The following PRKG1 variants were observed in gnomAD, a reference collection of about 807,000 sequenced individuals.
PRKG1 encodes protein kinase cGMP-dependent 1, also known as cGMP-dependent protein kinase 1.
Under a neutral mutation model 88.1 loss-of-function variants are expected in PRKG1, and 35 were observed. The ratio of observed to expected loss-of-function variants is 0.40; its 90% confidence interval spans 0.30 to 0.53. The LOEUF is 0.53. PRKG1 is among the 20% of genes least tolerant of loss of function. The probability of loss-of-function intolerance (pLI) is 0.59; values close to 1 mark genes in which losing one functional copy is unlikely to be tolerated. For missense variants in PRKG1, 540 were observed against 839.8 expected, an observed-to-expected ratio of 0.64 and a Z score of 4.41; for synonymous variants, 303 against 292.5, an observed-to-expected ratio of 1.04 and a Z score of -0.37.
At chr10:51,402,411 G>T (rs979087040) in intron 2 of PRKG1, among the ~76,000 whole-genome samples, 1 of 152,120 alleles carries the variant, frequency 6.6e-6, no homozygotes, top group African/African-American at 2.4e-5. Context: ...CATGAAAAAG[G>T]GTCATTGCAT....
At chr10:51,349,786 T>C (rs147137285) in intron 2 of PRKG1, among the ~76,000 whole-genome samples, 12 of 152,202 alleles carry the variant, frequency 7.9e-5, no homozygotes, top group African/African-American at 2.6e-4. Context: ...GGATTACAGA[T>C]GTGAACCACA....
At chr10:51,486,059 C>T (rs1840527950) in intron 3 of PRKG1, among the ~76,000 whole-genome samples, 1 of 152,254 alleles carries the variant, frequency 6.6e-6, no homozygotes, top group African/African-American at 2.4e-5. Context: ...TGTTTCCGTT[C>T]ATCTTGTAAT....
chr10:51,551,165 C>T (rs187964507), intron 3 of PRKG1, among the ~76,000 whole-genome samples: 3 of 151,866 alleles, frequency 2.0e-5, no homozygotes, highest in Admixed American at 6.6e-5. Context: ...TAACTTGCAA[C>T]CAACATGCAT....
intron 12 of PRKG1, 88 bp from the exon 13 acceptor site, chr10:52,280,701 G>A: frequency 7.0e-7 from 1 of 1,433,098 alleles, no homozygotes; most frequent in Non-Finnish European, 9.5e-7. Flanking sequence ...TTTTGGCAAA[G>A]GAATATAGTG....
chr10:51,075,508 G>A (rs1026581871), intron 1 of PRKG1, among the ~76,000 whole-genome samples: 2 of 152,188 alleles, frequency 1.3e-5, no homozygotes, highest in Non-Finnish European at 2.9e-5. Flanking sequence ...TCCATAAATG[G>A]AAGACTAGTC....
chr10:52,155,580 C>A lies in PRKG1; in HGVS notation c.1002-6309C>A, dbSNP rs75510251. ...GCCTAAAATCAAGTAAGTACTAAACCAATACAATTTCAACTTTGAAATAAC... is the reference window on the plus strand; with the variant it reads ...GCCTAAAATCAAGTAAGTACTAAACAAATACAATTTCAACTTTGAAATAAC... On this transcript the variant is annotated intron_variant, in intron 8 of 17. Transcript: ENST00000373980. Among the ~76,000 whole-genome samples, 680 of 151,706 alleles carry A rather than the reference C, an allele frequency of 4.5e-3. 3 individuals carry two copies. Among genetic ancestry groups the A allele is most frequent in the African/African-American group, 0.016 (657 of 41,398 alleles).
chr10:51,850,432 C>A (rs558842757), intron 4 of PRKG1, among the ~76,000 whole-genome samples: 2 of 152,060 alleles, frequency 1.3e-5, no homozygotes, highest in Non-Finnish European at 1.5e-5. Flanking sequence ...CTGCCTTGGC[C>A]TCCCAAAATG....
At chr10:52,226,973 T>G (rs1840404121) in intron 9 of PRKG1, among the ~76,000 whole-genome samples, 1 of 152,150 alleles carries the variant, frequency 6.6e-6, no homozygotes, top group African/African-American at 2.4e-5. Flanking sequence ...TTGCAAGAGA[T>G]CTTATATTCT....
At chr10:51,539,741 A>G (rs1315437488) in intron 3 of PRKG1, among the ~76,000 whole-genome samples, 1 of 152,160 alleles carries the variant, frequency 6.6e-6, no homozygotes, top group Non-Finnish European at 1.5e-5. Context: ...TCAAAATGTC[A>G]CAGTTTAGAA....
intron 3 of PRKG1, chr10:51,699,333 C>T: frequency 6.2e-7 from 1 of 1,614,176 alleles, no homozygotes; most frequent in Non-Finnish European, 8.5e-7. Flanking sequence ...TTCCGCATGG[C>T]ACTAAGCGCG....
chr10:51,156,413 C>T (rs7893773), intron 2 of PRKG1, among the ~76,000 whole-genome samples: 84,914 of 151,662 alleles, frequency 0.56, 24,894 homozygotes, highest in African/African-American at 0.75. Context: ...CATTGCTTCA[C>T]GATAATTTTA....
At chr10:51,728,480 T>A (rs1200376180) in intron 3 of PRKG1, among the ~76,000 whole-genome samples, 1 of 149,396 alleles carries the variant, frequency 6.7e-6, no homozygotes, top group Non-Finnish European at 1.5e-5. Context: ...TTTTTTTTTT[T>A]AATCAGAAGC....
chr10:52,030,337 A>G (rs1845445302), intron 5 of PRKG1, among the ~76,000 whole-genome samples: 1 of 152,208 alleles, frequency 6.6e-6, no homozygotes, highest in Admixed American at 6.5e-5. Context: ...TTCTGAGAGT[A>G]ATTCTCTGAA....
chr10:51,164,289 G>T (rs535422518), intron 2 of PRKG1, among the ~76,000 whole-genome samples: 103 of 152,350 alleles, frequency 6.8e-4, no homozygotes, highest in African/African-American at 2.5e-3. Context: ...GGCAAACAGG[G>T]TCTGGAGTGG....
chr10:52,106,128 G>A (rs1250970984), intron 7 of PRKG1, among the ~76,000 whole-genome samples: 2 of 152,122 alleles, frequency 1.3e-5, no homozygotes, highest in Non-Finnish European at 2.9e-5. Context: ...ACTCCACCCA[G>A]AATGCTTATT....
intron 6 of PRKG1, among the ~76,000 whole-genome samples, chr10:52,061,665 A>T (rs1270726363): frequency 6.6e-6 from 1 of 152,148 alleles, no homozygotes; most frequent in Non-Finnish European, 1.5e-5. Flanking sequence ...TTGAGTGCTT[A>T]TTATAATTTG....
chr10:51,615,669 T>C (rs974278438), intron 3 of PRKG1, among the ~76,000 whole-genome samples: 2 of 151,766 alleles, frequency 1.3e-5, no homozygotes, highest in Non-Finnish European at 1.5e-5. Flanking sequence ...TCTTTTTTTT[T>C]TAATGATGCT....
At chr10:52,214,397 A>G (rs766673643) in intron 9 of PRKG1, among the ~76,000 whole-genome samples, 9 of 152,178 alleles carry the variant, frequency 5.9e-5, no homozygotes, top group Non-Finnish European at 1.2e-4. Context: ...TAGATGCACA[A>G]ACTTTGATAT....
intron 3 of PRKG1, among the ~76,000 whole-genome samples, chr10:51,798,481 T>G (rs1589295933): frequency 6.6e-6 from 1 of 151,964 alleles, no homozygotes; most frequent in East Asian, 1.9e-4. Context: ...AAGGAAAAAT[T>G]TTTCCCAAAA....
Sources: allele counts gnomAD v4.1 joint callset (sites outside exome capture counted in the v4.1 genomes callset), GRCh38; gene constraint gnomAD v4.1.1; transcripts MANE v1.5; gene names NCBI Gene and HGNC (gene_info 2026-07-23, HGNC 2026-07-21).